Variants in SPATA6 observed in about 807,000 individuals in gnomAD.
The protein encoded by SPATA6 is spermatogenesis associated 6, also known as spermatogenesis-associated protein 6.
SPATA6 carries 56 observed loss-of-function variants against 65.3 expected under a neutral mutation model. The observed-to-expected ratio is 0.86, with a 90% CI of 0.69 to 1.07. The LOEUF (loss-of-function observed/expected upper bound fraction) is 1.07. Ranked by LOEUF, SPATA6 falls within the 50% of genes least tolerant of loss-of-function variation. The pLI is 0.00. For synonymous variants in SPATA6, 199 were observed against 213.2 expected (o/e 0.93, Z 0.58); for missense variants, 590 against 594.8 (o/e 0.99, Z 0.08).
At chr1:48,418,001 C>T (rs1205868008) in intron 3 of SPATA6, among the ~76,000 whole-genome samples, 1 of 152,102 alleles carries the variant, frequency 6.6e-6, no homozygotes, top group Non-Finnish European at 1.5e-5. Flanking sequence ...TATATAGTTA[C>T]ATACCTGATT....
the SPATA6 span, among the ~76,000 whole-genome samples, chr1:48,275,178 C>G: frequency 1.3e-5 from 2 of 152,168 alleles, no homozygotes; most frequent in South Asian, 4.1e-4. Context: ...GTAATTTTTG[C>G]ACATTGATTT....
chr1:48,466,925 CAA>C (rs769853628), intron 1 of SPATA6, among the ~76,000 whole-genome samples: 1 of 151,922 alleles, frequency 6.6e-6, no homozygotes, highest in Non-Finnish European at 1.5e-5. Context: ...ACTTTACCTC[CAA>C]TATCTTCCAT....
chr1:48,436,197 A>G (rs1654926026), intron 3 of SPATA6: 11 of 1,612,324 alleles, frequency 6.8e-6, no homozygotes, highest in South Asian at 2.2e-5. Flanking sequence ...TCCATCTTGC[A>G]TGGCATACTC....
the SPATA6 span, among the ~76,000 whole-genome samples, chr1:48,274,762 G>A: frequency 6.6e-6 from 1 of 152,138 alleles, no homozygotes; most frequent in Non-Finnish European, 1.5e-5. Flanking sequence ...ATAATTTAAA[G>A]TCAGGTAGCA....
At chr1:48,402,456 C>T (rs1651259335) in intron 6 of SPATA6, among the ~76,000 whole-genome samples, 1 of 152,002 alleles carries the variant, frequency 6.6e-6, no homozygotes. Context: ...CAGTGCACAT[C>T]TCTAAAACAA....
At chr1:48,287,082 C>T in the SPATA6 span, among the ~76,000 whole-genome samples, 14 of 150,024 alleles carry the variant, frequency 9.3e-5, no homozygotes, top group Non-Finnish European at 1.9e-4. Flanking sequence ...CACTGTTTTG[C>T]AGGCTGTAAG....
intron 10 of SPATA6, among the ~76,000 whole-genome samples, chr1:48,359,172 G>A (rs1222273439): frequency 6.6e-6 from 1 of 152,106 alleles, no homozygotes; most frequent in African/African-American, 2.4e-5. Context: ...AGCTGGGGTA[G>A]GTTGTTTGAG....
intron 3 of SPATA6, among the ~76,000 whole-genome samples, chr1:48,444,541 T>G (rs1307994439): frequency 6.6e-6 from 1 of 151,126 alleles, no homozygotes; most frequent in Non-Finnish European, 1.5e-5. Flanking sequence ...ATCAGCACTC[T>G]GTAAAACGGA....
Position 48,359,621 on chromosome 1 carries a change from T to C in SPATA6, c.1059A>G (p.Pro353=). Residue 353 remains proline, a synonymous_variant, in exon 10 of 13, where the codon CCA becomes CCG. Coordinates refer to ENST00000371847, the MANE Select transcript of SPATA6 (RefSeq NM_019073.4). ...SAPSTMPKHS[P]SPVLNRASLR... ...GAGAAGCTCTATTTAACACAGGGCT[T>C]GGAGAATGCTTTGGCATTGTTGAGG... 6.2e-7 allele frequency: 1 copy of C among 1,613,576 alleles called. No homozygotes were observed. Among genetic ancestry groups the C allele is most frequent in the Non-Finnish European group, 8.5e-7 (1 of 1,179,664 alleles).
At chr1:48,366,459 T>C (rs1181427312) in intron 9 of SPATA6, among the ~76,000 whole-genome samples, 1 of 152,170 alleles carries the variant, frequency 6.6e-6, no homozygotes, top group East Asian at 1.9e-4. Flanking sequence ...CTATTGATTA[T>C]TGCCACAATT....
chr1:48,354,406 T>C (rs555300457), intron 11 of SPATA6, among the ~76,000 whole-genome samples: 1 of 152,268 alleles, frequency 6.6e-6, no homozygotes, highest in African/African-American at 2.4e-5. Flanking sequence ...ATAAAATGTA[T>C]GCAATGTCAC....
intron 12 of SPATA6, among the ~76,000 whole-genome samples, chr1:48,301,383 A>G (rs1411609763): frequency 6.6e-6 from 1 of 152,114 alleles, no homozygotes; most frequent in African/African-American, 2.4e-5. Flanking sequence ...AAATGGAAAG[A>G]TATTCCATGT....
chr1:48,293,178 G>A (rs1644779592), downstream of SPATA6, among the ~76,000 whole-genome samples: 1 of 152,184 alleles, frequency 6.6e-6, no homozygotes. Context: ...CGGGATTTGA[G>A]TGGGATAAAA....
intron 9 of SPATA6, among the ~76,000 whole-genome samples, chr1:48,376,714 A>T (rs1367051707): frequency 2.0e-5 from 3 of 152,082 alleles, no homozygotes; most frequent in Non-Finnish European, 4.4e-5. Context: ...TCATTAGGCG[A>T]TTTTGTCACC....
intron 9 of SPATA6, among the ~76,000 whole-genome samples, chr1:48,369,643 G>A (rs1293183510): frequency 1.3e-5 from 2 of 152,210 alleles, no homozygotes; most frequent in Non-Finnish European, 2.9e-5. Context: ...CGCAGTAGTG[G>A]GGTGGGAGTG....
intron 10 of SPATA6, among the ~76,000 whole-genome samples, chr1:48,356,647 G>A (rs1646670429): frequency 6.6e-6 from 1 of 151,418 alleles, no homozygotes. Flanking sequence ...CTGAGTAGCT[G>A]GGATTGCCTG....
intron 10 of SPATA6, 92 bp downstream of exon 10, chr1:48,359,494 T>C (rs1215878849): frequency 3.6e-6 from 5 of 1,386,320 alleles, no homozygotes; most frequent in Non-Finnish European, 4.9e-6. Context: ...TACACTTTTA[T>C]AAACATTCAT....
chr1:48,268,089 G>C, the SPATA6 span, among the ~76,000 whole-genome samples: 9 of 151,922 alleles, frequency 5.9e-5, no homozygotes, highest in African/African-American at 1.9e-4. Flanking sequence ...TGGGGTACGT[G>C]GGGGGCCAGG....
rs1431647921 is a variant in SPATA6, at chr1:48,299,992, G to C, written c.1287-1099C>G. 2.3e-4 allele frequency among the ~76,000 whole-genome samples: 35 copies of C among 152,236 alleles called. 1 individual carries two copies. The highest frequency in any genetic ancestry group is 2.3e-3 in the Admixed American group (35 of 15,284). ...GTGAAAGGATCAACTGTAGTTTTGA[G>C]GGTCTTAAGGAAAAAAGAAGGTGGG... On this transcript the variant is annotated intron_variant, in intron 12 of 12. Coordinates refer to ENST00000371847, the MANE Select transcript of SPATA6 (RefSeq NM_019073.4).
Sources: gnomAD v4.1 joint callset for allele counts (sites outside exome capture counted in the v4.1 genomes callset) on GRCh38, gnomAD v4.1.1 for gene constraint, MANE v1.5 for transcripts, NCBI Gene and HGNC (gene_info 2026-07-23, HGNC 2026-07-21) for gene names.